TMEM80: variants seen among roughly 807,000 people sequenced by gnomAD.
TMEM80 encodes the protein transmembrane protein 80.
In TMEM80, 16 loss-of-function variants were observed where a neutral mutation model predicts 13.6. The ratio of observed to expected loss-of-function variants is 1.17; its 90% CI spans 0.79 to 1.78. The LOEUF (loss-of-function observed/expected upper bound fraction) is 1.78, where lower values mean the gene tolerates loss of function less well. TMEM80 is among the 40% of genes most tolerant of loss of function. The probability of loss-of-function intolerance (pLI) is 0.00; values close to 1 mark genes in which losing one functional copy is unlikely to be tolerated. For missense variants in TMEM80, 167 were observed against 184.6 expected (o/e 0.90, Z 0.55); for synonymous variants, 92 against 89.5 (o/e 1.03, Z -0.16).
chr11:704,210 G>A, downstream of TMEM80: 1 of 984,896 alleles, frequency 1.0e-6, no homozygotes, highest in Non-Finnish European at 1.3e-6. Flanking sequence ...TTGCCAGCTG[G>A]TCAGTTCCTG....
chr11:696,071 C>T (rs1017302293), intron 1 of TMEM80, among the ~76,000 whole-genome samples: 3 of 152,112 alleles, frequency 2.0e-5, no homozygotes, highest in East Asian at 1.9e-4. Context: ...CGCCTGGCCC[C>T]GGGCAGGGTG....
intron 4 of TMEM80, among the ~76,000 whole-genome samples, chr11:702,342 G>A (rs1192268758): frequency 1.3e-5 from 2 of 152,240 alleles, no homozygotes; most frequent in Non-Finnish European, 2.9e-5. Flanking sequence ...GTTCTTGGCT[G>A]ATCTTCTGGG....
At chr11:699,258 T>C (rs1405563659) in intron 2 of TMEM80, 1 of 291,344 alleles carries the variant, frequency 3.4e-6, no homozygotes, top group African/African-American at 2.2e-5. Context: ...AGAGCCTTCC[T>C]CTCACCCAGG....
downstream of TMEM80, chr11:704,443 G>T: frequency 1.6e-6 from 2 of 1,289,022 alleles, no homozygotes; most frequent in African/African-American, 3.0e-5. Context: ...GGCCCCCAGT[G>T]GCCACGGTGA....
chr11:704,911 C>A, downstream of TMEM80: 1 of 352,806 alleles, frequency 2.8e-6, no homozygotes, highest in Non-Finnish European at 5.6e-6. Context: ...AGGGTGAGGG[C>A]ACGGGTGCAC....
At position 704,091 on chromosome 11, in the gene TMEM80, C is replaced by T. The variant is rs938395362; in HGVS notation, c.*941C>T. 7.2e-6 allele frequency: 8 copies of T among 1,105,076 alleles called. No individual in the cohort carries two copies. Among genetic ancestry groups the T allele is most frequent in the South Asian group, 5.7e-5 (2 of 35,350 alleles). 68.5% of individuals were successfully genotyped at this position (1,105,076 alleles called of 1,614,324 possible). A position where few individuals can be genotyped will look rare whatever the true frequency, so the allele number is the denominator to read the frequency against. ...AAATATCTAGATATTTTCTCTTCAC[C>T]GCATTTTGTAAATAAAGAGATGTGT... On this transcript the variant is annotated 3_prime_UTR_variant, in exon 5 of 5. Coordinates refer to ENST00000397510, the MANE Select transcript of TMEM80 (RefSeq NM_001042463.3).
At position 702,968 on chromosome 11, in the gene TMEM80, G is replaced by A. The variant is rs746614079; in HGVS notation, c.250G>A (p.Ala84Thr). ...AGGCACCAGGGGCAACCTGACAGAG[G>A]CTGAGAGGCCGCTGGCCGCCAGCCT... ...YLGTRGNLTEAERPLAASLAL... is the reference protein window; with the variant it reads ...YLGTRGNLTETERPLAASLAL... Residue 84 changes from alanine to threonine, a missense_variant, in exon 5 of 5, where the codon GCT (alanine) becomes ACT (threonine). Ala to Thr is a moderately conservative substitution (Grantham distance 58). Coordinates refer to ENST00000397510, the MANE Select transcript of TMEM80 (RefSeq NM_001042463.3). 21 of 1,609,984 alleles carry A rather than the reference G, an allele frequency of 1.3e-5. No homozygotes were observed. The highest frequency in any genetic ancestry group is 9.3e-6 in the Non-Finnish European group (11 of 1,178,976).
Position 703,180 on chromosome 11 carries a change from G to A in TMEM80, c.*30G>A, listed in dbSNP as rs779586830. On this transcript the variant is annotated 3_prime_UTR_variant, in exon 5 of 5. Transcript: ENST00000397510. ...GGACACCCGGGATACCCCACACTGG[G>A]GCCCTCCTCCTGGGCCTGACCAGTC... 1 of 1,579,058 alleles carries A rather than the reference G, an allele frequency of 6.3e-7. No homozygotes were observed.
intron 1 of TMEM80, 28 bp from the exon 2 acceptor site, chr11:698,841 C>T (rs117144320): frequency 6.2e-7 from 1 of 1,613,944 alleles, no homozygotes; most frequent in Non-Finnish European, 8.5e-7. Context: ...GGCTGTCAGG[C>T]CTTGCTCACG....
In TMEM80 at chr11:695,844, G is replaced by GAT; in HGVS notation, c.18_19insTA (p.Gly7Ter). The GAT allele has an allele frequency of 8.1e-7, 1 of 1,229,842 alleles. No individual in the cohort carries two copies. The highest frequency in any genetic ancestry group is 1.0e-6 in the Non-Finnish European group (1 of 985,948). The allele number at this position is 1,229,842 out of a possible 1,614,324, so 76.2% of individuals were successfully genotyped here. A position where few individuals can be genotyped will look rare whatever the true frequency, so the allele number is the denominator to read the frequency against. On this transcript the variant is annotated frameshift_variant and splice_region_variant, in exon 1 of 5. Transcript: ENST00000397510. LOFTEE classifies it high-confidence loss of function. ...GCGGGTAAGATGGCGGCCCCGCGGC[G>GAT]AGGTGAGCTCGGGCGGGGTGGGGGC... is the stretch of plus-strand genomic sequence containing the variant.
rs1042267287 is a variant in TMEM80 at position 700,248 on chromosome 11, C to G, written c.133+13C>G. 1.5e-5 allele frequency: 24 copies of G among 1,607,274 alleles called. No individual in the cohort carries two copies. Among genetic ancestry groups the G allele is most frequent in the Non-Finnish European group, 2.0e-5 (24 of 1,175,662 alleles). On this transcript the variant is annotated intron_variant, in intron 3 of 4. Coordinates refer to ENST00000397510, the MANE Select transcript of TMEM80 (RefSeq NM_001042463.3). ...ATCACGTATAAAAGTAAGTCAGGGACGGGCACAGTGGCTCACGCCTGTAAT... is the reference window on the plus strand; with the variant it reads ...ATCACGTATAAAAGTAAGTCAGGGAGGGGCACAGTGGCTCACGCCTGTAAT...
chr11:703,150 GC>G lies in TMEM80; in HGVS notation c.*1del. The G allele has an allele frequency of 6.2e-7, 1 of 1,602,046 alleles. No homozygotes were observed. Among genetic ancestry groups the G allele is most frequent in the Non-Finnish European group, 8.5e-7 (1 of 1,171,996 alleles). ...TTGCCATCGCGGCCTTCACCAGGTAGCTACGGACACCCGGGATACCCCACAC... is the reference window on the plus strand; with the variant it reads ...TTGCCATCGCGGCCTTCACCAGGTAGTACGGACACCCGGGATACCCCACAC... On this transcript the variant is annotated 3_prime_UTR_variant, in exon 5 of 5. Transcript: ENST00000397510.
intron 1 of TMEM80, chr11:697,774 C>T (rs768464524): frequency 3.3e-5 from 5 of 152,252 alleles, no homozygotes; most frequent in Non-Finnish European, 5.9e-5. Flanking sequence ...CGCGATGCGG[C>T]GTGGTCTGCC....
At chr11:701,169 G>A in intron 4 of TMEM80, 1 of 190,648 alleles carries the variant, frequency 5.2e-6, no homozygotes, top group Non-Finnish European at 1.1e-5. Flanking sequence ...CCCCAAGTCT[G>A]CAACCCCTTC....
intron 1 of TMEM80, chr11:697,904 A>G (rs1861272606): frequency 1.3e-5 from 2 of 152,202 alleles, no homozygotes; most frequent in African/African-American, 2.4e-5. Flanking sequence ...AGATTCCACA[A>G]ACTCTGGCAC....
At chr11:704,552 G>T (rs7942118), downstream of TMEM80, 3,649 of 1,289,334 alleles carry the variant, frequency 2.8e-3, 41 homozygotes, top group African/African-American at 0.032. Context: ...GACCAGCTGG[G>T]CACACCTGCC....
intron 4 of TMEM80, among the ~76,000 whole-genome samples, chr11:702,066 C>G (rs1861521861): frequency 6.6e-6 from 1 of 152,228 alleles, no homozygotes; most frequent in Admixed American, 6.5e-5. Context: ...TTGGGCCCCT[C>G]TTGTTCACAT....
chr11:696,899 G>C (rs1330556363), intron 1 of TMEM80, among the ~76,000 whole-genome samples: 1 of 151,948 alleles, frequency 6.6e-6, no homozygotes, highest in Non-Finnish European at 1.5e-5. Context: ...GACCAACATG[G>C]AGAAACCCCG....
intron 2 of TMEM80, chr11:699,913 G>C (rs1861366131): frequency 1.8e-6 from 1 of 547,138 alleles, no homozygotes; most frequent in Admixed American, 3.2e-5. Flanking sequence ...AGACCGCATT[G>C]TTGTGGCATG....
Sources: allele counts gnomAD v4.1 joint callset (sites outside exome capture counted in the v4.1 genomes callset), GRCh38; gene constraint gnomAD v4.1.1; transcripts MANE v1.5; gene names NCBI Gene and HGNC (gene_info 2026-07-23, HGNC 2026-07-21).